Variants in ARHGAP44 observed in about 807,000 individuals in gnomAD.
The protein encoded by ARHGAP44 is Rho GTPase activating protein 44.
In ARHGAP44, 43 loss-of-function variants were observed where a neutral mutation model predicts 106.8. The observed-to-expected ratio is 0.40, with a 90% CI of 0.32 to 0.52. The LOEUF is 0.52. Ranked by LOEUF, ARHGAP44 falls within the 20% of genes least tolerant of loss-of-function variation. The pLI is 0.48. For synonymous variants in ARHGAP44, 439 were observed against 410.3 expected, an observed-to-expected ratio of 1.07 and a Z score of -0.85; for missense variants, 866 against 1,050.5, an observed-to-expected ratio of 0.82 and a Z score of 2.43.
intron 3 of ARHGAP44, among the ~76,000 whole-genome samples, chr17:12,902,990 T>C (rs1421389162): frequency 6.6e-6 from 1 of 151,598 alleles, no homozygotes; most frequent in African/African-American, 2.4e-5. Flanking sequence ...GCCTTGGCTG[T>C]GTGTCTGTTT....
chr17:12,865,862 A>G (rs8068116), intron 1 of ARHGAP44, among the ~76,000 whole-genome samples: 139,179 of 151,672 alleles, frequency 0.92, 64,020 homozygotes, highest in African/African-American at 0.94. Flanking sequence ...AGTATAAGGA[A>G]ATGAGATTAT....
intron 2 of ARHGAP44, 142 bp from the exon 3 acceptor site, chr17:12,896,265 A>C (rs1444493797): frequency 4.6e-6 from 3 of 650,174 alleles, no homozygotes; most frequent in Non-Finnish European, 7.7e-6. Flanking sequence ...TAATTTAAAA[A>C]ACAAACAAAC....
chr17:12,936,820 G>A (rs756729408), intron 7 of ARHGAP44, among the ~76,000 whole-genome samples: 99 of 152,318 alleles, frequency 6.5e-4, no homozygotes, highest in Admixed American at 8.5e-4. Context: ...ATATATGAGA[G>A]GTCCTGTTGC....
chr17:12,826,471 C>T (rs1278879146), intron 1 of ARHGAP44, among the ~76,000 whole-genome samples: 1 of 152,182 alleles, frequency 6.6e-6, no homozygotes, highest in Admixed American at 6.5e-5. Flanking sequence ...GATGCAGTAG[C>T]CAGAGCCAAC....
intron 1 of ARHGAP44, among the ~76,000 whole-genome samples, chr17:12,889,538 A>C (rs1265163869): frequency 1.3e-5 from 2 of 152,134 alleles, no homozygotes. Context: ...ACTTCTCAAC[A>C]CCACTGCATT....
intron 7 of ARHGAP44, among the ~76,000 whole-genome samples, chr17:12,934,359 C>T (rs534818265): frequency 1.3e-5 from 2 of 152,316 alleles, no homozygotes; most frequent in South Asian, 2.1e-4. Context: ...ATCTGAAGAG[C>T]ACATATATTG....
At chr17:12,863,316 A>G (rs2036144972) in intron 1 of ARHGAP44, among the ~76,000 whole-genome samples, 1 of 152,052 alleles carries the variant, frequency 6.6e-6, no homozygotes, top group African/African-American at 2.4e-5. Flanking sequence ...TGCTAATCCT[A>G]TTATATACCA....
intron 1 of ARHGAP44, among the ~76,000 whole-genome samples, chr17:12,841,594 T>TCTCTCTCTCTCTCTCACACACACA: frequency 7.9e-6 from 1 of 126,582 alleles, no homozygotes; most frequent in South Asian, 2.7e-4. Context: ...TGTCTCTCTC[T>TCTCTCTCTCTCTCTCACACACACA]CACACACACA....
chr17:12,828,841 C>G (rs1321712690), intron 1 of ARHGAP44, among the ~76,000 whole-genome samples: 1 of 151,862 alleles, frequency 6.6e-6, no homozygotes, highest in Non-Finnish European at 1.5e-5. Flanking sequence ...CGGGGTTTCA[C>G]TGTGTTAGCC....
chr17:12,817,802 A>G (rs529527625), intron 1 of ARHGAP44, among the ~76,000 whole-genome samples: 1 of 152,170 alleles, frequency 6.6e-6, no homozygotes, highest in African/African-American at 2.4e-5. Flanking sequence ...ACCGCAAATT[A>G]CTGAAATTCA....
intron 15 of ARHGAP44, 150 bp downstream of exon 15, chr17:12,956,896 G>C: frequency 1.6e-6 from 1 of 635,696 alleles, no homozygotes; most frequent in Non-Finnish European, 2.8e-6. Flanking sequence ...CACGCATGCA[G>C]ACATGCACAA....
chr17:12,900,588 C>G (rs770179363), intron 3 of ARHGAP44, among the ~76,000 whole-genome samples: 6 of 152,146 alleles, frequency 3.9e-5, no homozygotes, highest in African/African-American at 1.4e-4. Flanking sequence ...GTTTCTCCAC[C>G]TTATTCAGCA....
At chr17:12,941,529 G>A (rs559390153) in intron 8 of ARHGAP44, among the ~76,000 whole-genome samples, 3 of 152,272 alleles carry the variant, frequency 2.0e-5, no homozygotes, top group East Asian at 1.9e-4. Context: ...GAATTATCCA[G>A]TCCAAAATGT....
chr17:12,863,368 A>G (rs900778588), intron 1 of ARHGAP44, among the ~76,000 whole-genome samples: 2 of 152,170 alleles, frequency 1.3e-5, no homozygotes, highest in African/African-American at 2.4e-5. Context: ...AATTCATGTA[A>G]GTTTGTTTTT....
At chr17:12,970,539 T>G (rs1217360221) in intron 16 of ARHGAP44, among the ~76,000 whole-genome samples, 2 of 152,194 alleles carry the variant, frequency 1.3e-5, no homozygotes, top group African/African-American at 4.8e-5. Flanking sequence ...GACTTCTTGC[T>G]TTCACCTTGA....
intron 1 of ARHGAP44, among the ~76,000 whole-genome samples, chr17:12,804,239 C>T (rs188623862): frequency 3.6e-4 from 55 of 152,308 alleles, no homozygotes; most frequent in Admixed American, 3.1e-3. Flanking sequence ...GGAATAAGAG[C>T]GCTTTCCTCT....
intron 20 of ARHGAP44, chr17:12,985,668 A>G (rs932109567): frequency 6.6e-6 from 1 of 152,344 alleles, no homozygotes; most frequent in Middle Eastern, 3.4e-3. Context: ...CTTCAACCAC[A>G]TAAGATTATA....
chr17:12,795,793 C>A (rs1482755540), intron 1 of ARHGAP44, among the ~76,000 whole-genome samples: 1 of 152,016 alleles, frequency 6.6e-6, no homozygotes, highest in Non-Finnish European at 1.5e-5. Context: ...AGGCCTCTTC[C>A]CTCGGGCGTG....
chr17:12,815,456 A>G lies in ARHGAP44; in HGVS notation c.53+25565A>G, dbSNP rs111645953. ...TGAATAATAGAATATAGCACATAAC[A>G]AAGAGGTAAAGACTAAAAGATCAGA... On this transcript the variant is annotated intron_variant, in intron 1 of 20. Coordinates refer to ENST00000379672, the MANE Select transcript of ARHGAP44 (RefSeq NM_014859.6). Among the ~76,000 whole-genome samples, 217 of 152,338 alleles carry G rather than the reference A, an allele frequency of 1.4e-3. No individual in the cohort carries two copies. In the Middle Eastern group the frequency reaches 0.017, roughly 12 times the overall value.
Sources: gnomAD v4.1 joint callset for allele counts (sites outside exome capture counted in the v4.1 genomes callset) on GRCh38, gnomAD v4.1.1 for gene constraint, MANE v1.5 for transcripts, NCBI Gene and HGNC (gene_info 2026-07-23, HGNC 2026-07-21) for gene names.